The following VRK2 variants were observed in gnomAD, a reference collection of about 807,000 sequenced individuals.
VRK2 encodes VRK serine/threonine kinase 2, also known as serine/threonine-protein kinase VRK2.
In VRK2, 60 loss-of-function variants were observed where a neutral mutation model predicts 57.6. The ratio of observed to expected loss-of-function variants is 1.04; its 90% confidence interval spans 0.85 to 1.29. The LOEUF (loss-of-function observed/expected upper bound fraction) is 1.29. Ranked by LOEUF, VRK2 falls within the 50% of genes most tolerant of loss-of-function variation. The probability of loss-of-function intolerance (pLI) is 0.00; values close to 1 mark genes in which losing one functional copy is unlikely to be tolerated. For synonymous variants in VRK2, 231 were observed against 199.2 expected, an observed-to-expected ratio of 1.16 and a Z score of -1.35; for missense variants, 705 against 588.1, an observed-to-expected ratio of 1.20 and a Z score of -2.06.
intron 2 of VRK2, among the ~76,000 whole-genome samples, chr2:58,077,820 C>T (rs1036019671): frequency 6.6e-6 from 1 of 152,102 alleles, no homozygotes; most frequent in Non-Finnish European, 1.5e-5. Flanking sequence ...AATTCTGTTG[C>T]TCTTCCTTCT....
chr2:57,944,963 A>T (rs1182123062), intron 1 of VRK2, among the ~76,000 whole-genome samples: 2 of 152,160 alleles, frequency 1.3e-5, no homozygotes, highest in Non-Finnish European at 2.9e-5. Context: ...AATCTTGTGA[A>T]TTAGACTCCG....
chr2:58,060,041 T>C, intron 2 of VRK2, among the ~76,000 whole-genome samples: 1 of 151,820 alleles, frequency 6.6e-6, no homozygotes, highest in East Asian at 1.9e-4. Flanking sequence ...TGTATTATAA[T>C]TGAGAATGGA....
Position 58,071,633 on chromosome 2 carries a change from A to G in VRK2, c.137-12456A>G, listed in dbSNP as rs771559311. Among the ~76,000 whole-genome samples, 9 of 151,772 alleles carry G rather than the reference A, an allele frequency of 5.9e-5. No individual in the cohort carries two copies. In the South Asian group the frequency reaches 8.3e-4, roughly 14 times the overall value. ...ACTATATCGGGTCTATTTCTAGGCTATCTATTACATTGATCTATTTGTCTA... is the reference window on the plus strand; with the variant it reads ...ACTATATCGGGTCTATTTCTAGGCTGTCTATTACATTGATCTATTTGTCTA... On this transcript the variant is annotated intron_variant, in intron 2 of 12. Coordinates refer to ENST00000340157, the MANE Select transcript of VRK2 (RefSeq NM_006296.7).
At chr2:57,941,408 G>C (rs60590670) in intron 1 of VRK2, among the ~76,000 whole-genome samples, 3 of 152,070 alleles carry the variant, frequency 2.0e-5, no homozygotes, top group South Asian at 2.1e-4. Flanking sequence ...ATGAGCACCC[G>C]AAATAGAAAT....
chr2:58,046,667 G>T, upstream of VRK2: 1 of 985,610 alleles, frequency 1.0e-6, no homozygotes, highest in Non-Finnish European at 1.2e-6. Context: ...AAAGGAACCG[G>T]CTGCGGCCTG....
intron 11 of VRK2, among the ~76,000 whole-genome samples, chr2:58,143,371 G>T (rs1427580758): frequency 6.6e-6 from 1 of 151,862 alleles, no homozygotes; most frequent in Non-Finnish European, 1.5e-5. Context: ...GGTGTTTTCT[G>T]TATTTTTCTA....
intron 7 of VRK2, among the ~76,000 whole-genome samples, chr2:58,103,792 A>C (rs1171560907): frequency 1.3e-5 from 2 of 151,774 alleles, no homozygotes; most frequent in Non-Finnish European, 3.0e-5. Flanking sequence ...AGGACAAAAC[A>C]AAAAAGAAAA....
intron 1 of VRK2, among the ~76,000 whole-genome samples, chr2:57,925,791 A>T (rs1670511881): frequency 2.1e-5 from 3 of 146,152 alleles, no homozygotes; most frequent in Admixed American, 6.8e-5. Flanking sequence ...TGCTGTCTTG[A>T]TTTTCTAGTT....
At chr2:58,007,528 TA>T (rs1428934730) in intron 1 of VRK2, among the ~76,000 whole-genome samples, 3 of 152,130 alleles carry the variant, frequency 2.0e-5, no homozygotes, top group Non-Finnish European at 2.9e-5. Flanking sequence ...TAATAAATAC[TA>T]AATATATTTT....
At chr2:58,129,785 A>T (rs1211354615) in intron 8 of VRK2, among the ~76,000 whole-genome samples, 1 of 152,182 alleles carries the variant, frequency 6.6e-6, no homozygotes, top group Non-Finnish European at 1.5e-5. Context: ...TGTAGTCAGA[A>T]ACATTTTTAG....
rs963885919 is a variant in VRK2, at chr2:58,063,172, A to AT, written c.136+14216dup. On this transcript the variant is annotated intron_variant, in intron 2 of 12. Transcript: ENST00000340157. The stretch of plus-strand genomic sequence containing the variant: ...CATCTTTTTACAGCATGGTTTACTG[A>AT]TTTTTTTTTTTAGTTTTATTTTTCT... Among the ~76,000 whole-genome samples, 1,037 of 140,346 alleles carry AT rather than the reference A, an allele frequency of 7.4e-3. 10 individuals carry two copies. The highest frequency in any genetic ancestry group is 0.025 in the African/African-American group (947 of 38,644). The allele number at this position is 140,346 out of a possible 152,430, so 92.1% of individuals were successfully genotyped here.
At chr2:58,069,419 T>A (rs1307046975) in intron 2 of VRK2, among the ~76,000 whole-genome samples, 1 of 152,134 alleles carries the variant, frequency 6.6e-6, no homozygotes. Context: ...TGTGGTGACG[T>A]TCCCAAGCTC....
intron 1 of VRK2, among the ~76,000 whole-genome samples, chr2:57,960,008 T>G (rs933877415): frequency 6.6e-5 from 9 of 136,548 alleles, no homozygotes; most frequent in African/African-American, 1.1e-4. Context: ...TGTGCATGGG[T>G]GTGTGTGTGT....
At chr2:58,036,669 TG>T (rs1410169811) in intron 3 of VRK2, among the ~76,000 whole-genome samples, 1 of 152,070 alleles carries the variant, frequency 6.6e-6, no homozygotes, top group Non-Finnish European at 1.5e-5. Context: ...AATATGGTGT[TG>T]GCTAAAGAAT....
chr2:57,980,222 T>C (rs531161672), intron 1 of VRK2, among the ~76,000 whole-genome samples: 233 of 152,280 alleles, frequency 1.5e-3, no homozygotes, highest in Middle Eastern at 6.8e-3. Context: ...CTGGAGGTTC[T>C]GGTATATTTA....
chr2:57,960,919 A>T (rs1163439619), intron 1 of VRK2, among the ~76,000 whole-genome samples: 2 of 152,188 alleles, frequency 1.3e-5, no homozygotes, highest in Non-Finnish European at 2.9e-5. Flanking sequence ...GCAACATGTA[A>T]CCATTTCTGT....
At chr2:58,076,020 G>T (rs1362828328) in intron 2 of VRK2, among the ~76,000 whole-genome samples, 1 of 151,244 alleles carries the variant, frequency 6.6e-6, no homozygotes, top group Non-Finnish European at 1.5e-5. Context: ...CCCTTAAGAA[G>T]ACAGGAGTAA....
intron 2 of VRK2, among the ~76,000 whole-genome samples, chr2:58,070,977 A>G (rs1669286776): frequency 6.6e-6 from 1 of 152,090 alleles, no homozygotes; most frequent in African/African-American, 2.4e-5. Flanking sequence ...AGCATTTAGC[A>G]TTGTCTGTGT....
chr2:58,137,199 T>TG (rs370648083), intron 10 of VRK2, among the ~76,000 whole-genome samples: 50 of 60,018 alleles, frequency 8.3e-4, no homozygotes, highest in African/African-American at 5.1e-3. Flanking sequence ...GATACATATA[T>TG]ATCTCATATA....
Sources: gnomAD v4.1 joint callset for allele counts (sites outside exome capture counted in the v4.1 genomes callset) on GRCh38, gnomAD v4.1.1 for gene constraint, MANE v1.5 for transcripts, NCBI Gene and HGNC (gene_info 2026-07-23, HGNC 2026-07-21) for gene names.